TMBIM4: variants seen among roughly 807,000 people sequenced by gnomAD.
TMBIM4 encodes the protein transmembrane BAX inhibitor motif containing 4.
A neutral mutation model predicts 27.7 loss-of-function variants in TMBIM4; 28 were observed. The ratio of observed to expected loss-of-function variants is 1.01; its 90% confidence interval spans 0.75 to 1.38. The LOEUF is 1.38. Ranked by LOEUF, TMBIM4 falls within the 40% of genes most tolerant of loss-of-function variation. TMBIM4 has a pLI of 0.00. For synonymous variants in TMBIM4, 115 were observed against 113.1 expected, an observed-to-expected ratio of 1.02 and a Z score of -0.11; for missense variants, 265 against 277.5, an observed-to-expected ratio of 0.95 and a Z score of 0.32.
At chr12:66,146,333 A>C (rs2051751767) in intron 4 of TMBIM4, among the ~76,000 whole-genome samples, 1 of 152,156 alleles carries the variant, frequency 6.6e-6, no homozygotes, top group Non-Finnish European at 1.5e-5. Flanking sequence ...TTTAAATATC[A>C]ATAGGGATGA....
intron 1 of TMBIM4, chr12:66,169,143 G>C (rs1206020436): frequency 1.6e-6 from 1 of 625,876 alleles, no homozygotes; most frequent in Non-Finnish European, 2.8e-6. Flanking sequence ...TGCCTAAACA[G>C]GCTGAAAGTC....
At chr12:66,151,349 C>CA (rs2051842176) in intron 3 of TMBIM4, among the ~76,000 whole-genome samples, 1 of 152,102 alleles carries the variant, frequency 6.6e-6, no homozygotes, top group African/African-American at 2.4e-5. Context: ...GTGATCCTCC[C>CA]ACCTCAGCCT....
At chr12:66,164,983 C>T (rs1342050239) in intron 1 of TMBIM4, among the ~76,000 whole-genome samples, 1 of 151,994 alleles carries the variant, frequency 6.6e-6, no homozygotes, top group Admixed American at 6.6e-5. Context: ...TTTACAACAG[C>T]ATCAAAAGGA....
intron 1 of TMBIM4, among the ~76,000 whole-genome samples, chr12:66,164,422 C>T (rs1384020840): frequency 6.6e-6 from 1 of 152,120 alleles, no homozygotes; most frequent in Non-Finnish European, 1.5e-5. Flanking sequence ...GATTGTAGGA[C>T]AACTGAAGGA....
At chr12:66,152,796 G>A (rs2051869501) in intron 2 of TMBIM4, among the ~76,000 whole-genome samples, 1 of 152,036 alleles carries the variant, frequency 6.6e-6, no homozygotes, top group Non-Finnish European at 1.5e-5. Context: ...CTTTGGTGGG[G>A]AGAAGGGAAG....
chr12:66,155,361 G>GAGAGAGAGAGAGAGAGAGAGAGAGAGAGT (rs1353460191), intron 1 of TMBIM4, among the ~76,000 whole-genome samples: 1 of 78,120 alleles, frequency 1.3e-5, no homozygotes, highest in East Asian at 5.1e-4. Flanking sequence ...AGAGAGAGAG[G>GAGAGAGAGAGAGAGAGAGAGAGAGAGAGT]CAGGGTCTCA....
intron 1 of TMBIM4, chr12:66,160,326 T>G (rs761024122): frequency 1.8e-4 from 118 of 672,356 alleles, no homozygotes; most frequent in Admixed American, 6.6e-5. Flanking sequence ...CAATCAAATT[T>G]AAAATGCACA....
Position 66,147,738 on chromosome 12 carries a change from C to T in TMBIM4, c.346+170G>A, listed in dbSNP as rs192971977. ...TCTAAGCTCAGCTGAAATATGTAAA[C>T]GATAAATATCTAACTTTTGCTTATA... On this transcript the variant is annotated intron_variant, in intron 4 of 6. Coordinates refer to ENST00000358230, the MANE Select transcript of TMBIM4 (RefSeq NM_016056.4). 8.1e-4 allele frequency among the ~76,000 whole-genome samples: 124 copies of T among 152,162 alleles called. 1 individual carries two copies. In the East Asian group the frequency reaches 0.017, roughly 21 times the overall value.
rs530724691 is a variant in TMBIM4 at position 66,147,900 on chromosome 12, C to CGG, written c.346+6_346+7dup. ...ATTATAACATATAGAAATGCAGTTACGGCTTACCAACAACTGCCACAGTCA... is the reference window on the plus strand; with the variant it reads ...ATTATAACATATAGAAATGCAGTTACGGGGCTTACCAACAACTGCCACAGTCA... On this transcript the variant is annotated splice_region_variant and intron_variant, in intron 4 of 6. Coordinates refer to ENST00000358230, the MANE Select transcript of TMBIM4 (RefSeq NM_016056.4). 1.3e-4 allele frequency: 202 copies of CGG among 1,609,454 alleles called. 2 individuals carry two copies. The South Asian group carries it at 2.0e-3, about 16-fold the overall frequency.
chr12:66,147,556 A>T (rs537407397), intron 4 of TMBIM4, among the ~76,000 whole-genome samples: 15 of 152,362 alleles, frequency 9.8e-5, no homozygotes, highest in Middle Eastern at 6.8e-3. Flanking sequence ...AGTTAAGCTC[A>T]TACATATGAT....
intron 1 of TMBIM4, among the ~76,000 whole-genome samples, chr12:66,165,419 CTTT>C (rs35278988): frequency 7.3e-6 from 1 of 137,874 alleles, no homozygotes. Context: ...ATATATGATC[CTTT>C]TTTTTTTTTT....
chr12:66,140,818 C>T (rs1284082244), intron 5 of TMBIM4, among the ~76,000 whole-genome samples: 1 of 151,836 alleles, frequency 6.6e-6, no homozygotes, highest in Non-Finnish European at 1.5e-5. Context: ...GGGAACCACA[C>T]CAAGGAATAT....
intron 3 of TMBIM4, among the ~76,000 whole-genome samples, chr12:66,149,209 G>A (rs1456075865): frequency 1.3e-5 from 2 of 152,094 alleles, no homozygotes; most frequent in Non-Finnish European, 2.9e-5. Context: ...GGGAGGCCGA[G>A]GCAGGTGGAT....
intron 5 of TMBIM4, chr12:66,139,837 A>C (rs2051638297): frequency 2.2e-6 from 1 of 450,008 alleles, no homozygotes; most frequent in Non-Finnish European, 4.5e-6. Flanking sequence ...CAGGACTGGG[A>C]ATAGTTTGCA....
In TMBIM4 at chr12:66,145,903, T is replaced by A; in HGVS notation, c.402A>T (p.Val134=). 6.2e-7 allele frequency: 1 copy of A among 1,608,932 alleles called. No homozygotes were observed. Among genetic ancestry groups the A allele is most frequent in the South Asian group, 1.1e-5 (1 of 90,918 alleles). The change falls in exon 5 of 7, where the codon GTA becomes GTT. Residue 134 remains valine (V), a synonymous_variant. Coordinates refer to ENST00000358230, the MANE Select transcript of TMBIM4 (RefSeq NM_016056.4). The part of the protein sequence containing the change: ...ILQAFILTTT[V]FFGLTVYTLQ... ...GAGTATACACAGTCAAACCAAAAAA[T>A]ACTGTAGTAGTCAGTATGAAAGCTT...
chr12:66,136,048 G>A lies in TMBIM4; in HGVS notation c.*1912C>T, dbSNP rs1389306532. 5.3e-4 allele frequency: 5 copies of A among 9,360 alleles called. No individual in the cohort carries two copies. Among genetic ancestry groups the A allele is most frequent in the Admixed American group, 1.9e-3 (2 of 1,032 alleles). 0.6% of individuals were successfully genotyped at this position (9,360 alleles called of 1,614,324 possible). On this transcript the variant is annotated 3_prime_UTR_variant, in exon 7 of 7. Coordinates refer to ENST00000358230, the MANE Select transcript of TMBIM4 (RefSeq NM_016056.4). ...ATCCCCCTCTGTGAGAAACAACCAA[G>A]AATTATCAATAAAAAAATAAATTAA... is the stretch of plus-strand genomic sequence containing the variant.
intron 1 of TMBIM4, among the ~76,000 whole-genome samples, chr12:66,165,703 A>G (rs1450096412): frequency 1.3e-5 from 2 of 152,172 alleles, no homozygotes; most frequent in African/African-American, 2.4e-5. Context: ...TTTATTAGAT[A>G]TATCTTTTGC....
At chr12:66,158,535 C>G (rs937740815) in intron 1 of TMBIM4, among the ~76,000 whole-genome samples, 3 of 151,750 alleles carry the variant, frequency 2.0e-5, no homozygotes, top group Non-Finnish European at 4.4e-5. Flanking sequence ...GCTACTCGGG[C>G]TGAGGCAGGA....
In TMBIM4 at chr12:66,155,920, T is replaced by C. The variant is rs552316746; in HGVS notation, c.98-2472A>G. ...TTTCATATTCAGTTCTTTACTAATC[T>C]GTATTTTTTAGATACCAGCAGTATG... On this transcript the variant is annotated intron_variant, in intron 1 of 6. Transcript: ENST00000358230. Among the ~76,000 whole-genome samples, 5 of 152,362 alleles carry C rather than the reference T, an allele frequency of 3.3e-5. No individual in the cohort carries two copies. The South Asian group carries it at 1.0e-3, about 32-fold the overall frequency.
Sources: allele counts gnomAD v4.1 joint callset (sites outside exome capture counted in the v4.1 genomes callset), GRCh38; gene constraint gnomAD v4.1.1; transcripts MANE v1.5; gene names NCBI Gene and HGNC (gene_info 2026-07-23, HGNC 2026-07-21).